VPS54: variants seen among roughly 807,000 people sequenced by gnomAD.
The protein encoded by VPS54 is VPS54 subunit of GARP complex.
VPS54 carries 45 observed loss-of-function variants against 121.5 expected under a neutral mutation model. That is an observed-to-expected ratio of 0.37 (90% CI 0.29 to 0.47). VPS54 has a LOEUF of 0.47. Among genes scored for constraint, VPS54 ranks in the 20% least tolerant of loss-of-function variants. The pLI is 0.99. For synonymous variants in VPS54, 371 were observed against 385.8 expected (o/e 0.96, Z 0.45); for missense variants, 1,090 against 1,131.4 (o/e 0.96, Z 0.52).
At chr2:63,895,714 G>C (rs571998739) in intron 22 of VPS54, among the ~76,000 whole-genome samples, 116 of 152,324 alleles carry the variant, frequency 7.6e-4, no homozygotes, top group Admixed American at 1.5e-3. Context: ...TAAGCAGGTA[G>C]TTTATGTCCT....
Position 63,892,924 on chromosome 2 carries a change from T to C in VPS54, c.*506A>G, listed in dbSNP as rs2104385475. 6.5e-6 allele frequency: 1 copy of C among 153,758 alleles called. No individual in the cohort carries two copies. Among genetic ancestry groups the C allele is most frequent in the Non-Finnish European group, 1.5e-5 (1 of 68,800 alleles). 9.5% of individuals were successfully genotyped at this position (153,758 alleles called of 1,614,324 possible). On this transcript the variant is annotated 3_prime_UTR_variant, in exon 23 of 23. Coordinates refer to ENST00000272322, the MANE Select transcript of VPS54 (RefSeq NM_016516.3). ...AATCCAAGCAATCAAAAGATGTTTA[T>C]TTTTTATAGAAAGATCTGTAAAAAA...
Position 63,893,332 on chromosome 2 carries a change from G to T in VPS54, c.*98C>A. 1 of 1,046,262 alleles carries T rather than the reference G, an allele frequency of 9.6e-7. No individual in the cohort carries two copies. Among genetic ancestry groups the T allele is most frequent in the Non-Finnish European group, 1.5e-6 (1 of 662,854 alleles). 64.8% of individuals were successfully genotyped at this position (1,046,262 alleles called of 1,614,324 possible). ...CCCTTCCCCCACCCCAGTTCACTTT[G>T]GGTTTCAGGTTCAATTCTCGAATCA... On this transcript the variant is annotated 3_prime_UTR_variant, in exon 23 of 23. Transcript: ENST00000272322.
intron 1 of VPS54, among the ~76,000 whole-genome samples, chr2:63,995,842 A>AAT (rs1677558074): frequency 6.6e-6 from 1 of 152,228 alleles, no homozygotes; most frequent in African/African-American, 2.4e-5. Context: ...ATAATTTATC[A>AAT]TTGGACATGA....
At chr2:63,896,053 C>G (rs1221521514) in intron 22 of VPS54, among the ~76,000 whole-genome samples, 2 of 152,134 alleles carry the variant, frequency 1.3e-5, no homozygotes, top group Non-Finnish European at 2.9e-5. Context: ...CCAAGAGTCT[C>G]CTAAGTTTCT....
chr2:63,941,559 TG>T (rs1320938997), intron 11 of VPS54, among the ~76,000 whole-genome samples: 1 of 152,148 alleles, frequency 6.6e-6, no homozygotes, highest in Non-Finnish European at 1.5e-5. Context: ...TATGACATGT[TG>T]GTGATTCAAA....
At chr2:63,925,539 G>A (rs1311205685) in intron 12 of VPS54, among the ~76,000 whole-genome samples, 1 of 152,176 alleles carries the variant, frequency 6.6e-6, no homozygotes, top group African/African-American at 2.4e-5. Context: ...TGTAACATGT[G>A]CAACAAAGGT....
At chr2:63,903,635 G>A (rs1368542480) in intron 20 of VPS54, among the ~76,000 whole-genome samples, 1 of 152,072 alleles carries the variant, frequency 6.6e-6, no homozygotes, top group Admixed American at 6.5e-5. Context: ...CACAGCAGGA[G>A]AGAGAGAAAA....
In VPS54 at chr2:63,893,467, T is replaced by C; in HGVS notation, c.2897A>G (p.Asp966Gly). 1 of 1,614,130 alleles carries C rather than the reference T, an allele frequency of 6.2e-7. No individual in the cohort carries two copies. The highest frequency in any genetic ancestry group is 8.5e-7 in the Non-Finnish European group (1 of 1,179,984). ...LQALKGLKDL[D>G]LNMAEIWEQK... ...CTCCCAAATTTCGGCCATATTTAGG[T>C]CCAAATCTTTAAGGCCTTTTAAGGC... Residue 966 changes from aspartate to glycine, a missense_variant, in exon 23 of 23, where the codon GAC (aspartate) becomes GGC (glycine). By Grantham distance (94) the Asp-to-Gly change is moderately conservative (BLOSUM62 -1). This residue lies in a region of VPS54 where 289 missense variants were observed against 374.4 expected (regional missense o/e 0.77). Transcript: ENST00000272322.
intron 11 of VPS54, among the ~76,000 whole-genome samples, chr2:63,940,881 A>C (rs1287385609): frequency 6.6e-6 from 1 of 152,222 alleles, no homozygotes; most frequent in Admixed American, 6.5e-5. Context: ...ACCTATAGAT[A>C]CAAGTTTGTG....
In VPS54 at chr2:64,000,706, T is replaced by G. The variant is rs866094970; in HGVS notation, c.-20-16687A>C. Among the ~76,000 whole-genome samples the G allele has an allele frequency of 3.3e-5, 5 of 152,358 alleles. No homozygotes were observed. The South Asian group carries it at 6.2e-4, about 19-fold the overall frequency. On this transcript the variant is annotated intron_variant, in intron 1 of 22. Transcript: ENST00000272322. ...CTGGATTACCAAGCAGAGATTCTTG[T>G]TCTCTTCCCTTACTTTCTCCCAAAC...
At chr2:63,927,824 T>G (rs928475760) in intron 12 of VPS54, among the ~76,000 whole-genome samples, 11 of 152,166 alleles carry the variant, frequency 7.2e-5, no homozygotes, top group African/African-American at 2.4e-4. Flanking sequence ...TTAAATGACC[T>G]GATGGAGCTG....
At chr2:63,915,151 CAA>C (rs5831674) in intron 16 of VPS54, among the ~76,000 whole-genome samples, 54 of 23,834 alleles carry the variant, frequency 2.3e-3, no homozygotes, top group African/African-American at 6.0e-3. Flanking sequence ...AGCTCCGTCT[CAA>C]AAAAAAAAAA....
At position 63,920,590 on chromosome 2, in the gene VPS54, A is replaced by G; in HGVS notation, c.1907T>C (p.Ile636Thr). 1 of 1,540,266 alleles carries G rather than the reference A, an allele frequency of 6.5e-7. No homozygotes were observed. Among genetic ancestry groups the G allele is most frequent in the Non-Finnish European group, 8.7e-7 (1 of 1,145,882 alleles). ...TGTTTCCATTAATCTAGAAAGTGTT[A>G]TGAATTCCATGGAATTTAGCTTCTC... is the stretch of plus-strand genomic sequence containing the variant. The part of the protein sequence containing the change: ...FLEKLNSMEF[I>T]TLSRLMETFI... Residue 636 changes from isoleucine to threonine, a missense_variant, in exon 14 of 23, where the codon ATA (isoleucine) becomes ACA (threonine). Transcript: ENST00000272322.
At position 63,897,595 on chromosome 2, in the gene VPS54, AAAAG is replaced by A. The variant is rs1346855094; in HGVS notation, c.2734-9_2734-6del. 2 of 1,461,174 alleles carry A rather than the reference AAAAG, an allele frequency of 1.4e-6. No individual in the cohort carries two copies. The highest frequency in any genetic ancestry group is 1.4e-5 in the African/African-American group (1 of 70,996). 90.5% of individuals were successfully genotyped at this position (1,461,174 alleles called of 1,614,324 possible). A position where few individuals can be genotyped will look rare whatever the true frequency, so the allele number is the denominator to read the frequency against. On this transcript the variant is annotated splice_region_variant and splice_polypyrimidine_tract_variant and intron_variant, in intron 21 of 22. Transcript: ENST00000272322. ...ATTAATTCTTAAAAATAACATCTGA[AAAAG>A]AAATAAAACTAAGTTTCTTAAAGTT...
At chr2:63,953,304 G>C (rs1328329273) in intron 7 of VPS54, among the ~76,000 whole-genome samples, 1 of 151,460 alleles carries the variant, frequency 6.6e-6, no homozygotes, top group African/African-American at 2.4e-5. Flanking sequence ...GCTAATTTTT[G>C]TGTTTTTAGT....
intron 1 of VPS54, among the ~76,000 whole-genome samples, chr2:64,015,579 A>T (rs1238787410): frequency 6.6e-6 from 1 of 152,212 alleles, no homozygotes. Context: ...ATTTAGCAAC[A>T]TCCTTGGCCA....
intron 7 of VPS54, among the ~76,000 whole-genome samples, chr2:63,955,930 A>C (rs1438518521): frequency 6.6e-6 from 1 of 152,150 alleles, no homozygotes; most frequent in Non-Finnish European, 1.5e-5. Context: ...ACAGTAATTT[A>C]GAGTGGTGAA....
chr2:63,920,787 C>T (rs1673607771), intron 13 of VPS54, among the ~76,000 whole-genome samples, 160 bp from the exon 14 acceptor site: 1 of 151,842 alleles, frequency 6.6e-6, no homozygotes, highest in African/African-American at 2.4e-5. Flanking sequence ...TTAAGAGGTC[C>T]AAATTTGATT....
At chr2:63,936,478 G>C (rs965353866) in intron 11 of VPS54, among the ~76,000 whole-genome samples, 2 of 152,136 alleles carry the variant, frequency 1.3e-5, no homozygotes, top group Admixed American at 6.5e-5. Context: ...CTTGAGAATG[G>C]AGTTAATGAA....
Sources: gnomAD v4.1 joint callset for allele counts (sites outside exome capture counted in the v4.1 genomes callset) on GRCh38, gnomAD v4.1.1 for gene constraint, gnomAD v4.1.1 regional missense constraint, MANE v1.5 for transcripts, NCBI Gene and HGNC (gene_info 2026-07-23, HGNC 2026-07-21) for gene names.